Variants in UNC5C observed in about 807,000 individuals in gnomAD.
UNC5C encodes netrin receptor UNC5C.
UNC5C carries 47 observed loss-of-function variants against 99.8 expected under a neutral mutation model. The ratio of observed to expected loss-of-function variants is 0.47; its 90% CI spans 0.37 to 0.60. The LOEUF is 0.60. UNC5C is among the 20% of genes least tolerant of loss of function. UNC5C has a pLI of 0.00. For missense variants in UNC5C, 1,062 were observed against 1,165.9 expected (o/e 0.91, Z 1.30); for synonymous variants, 487 against 452.2 (o/e 1.08, Z -0.98).
intron 1 of UNC5C, among the ~76,000 whole-genome samples, chr4:95,343,092 T>C (rs746691371): frequency 6.6e-6 from 1 of 152,058 alleles, no homozygotes; most frequent in Non-Finnish European, 1.5e-5. Context: ...TGGGGGCAAC[T>C]TGCTTCTCTG....
intron 1 of UNC5C, among the ~76,000 whole-genome samples, chr4:95,415,249 C>T (rs1746127670): frequency 2.0e-5 from 3 of 152,034 alleles, no homozygotes; most frequent in Admixed American, 1.3e-4. Context: ...TTATTGGCAC[C>T]CTCCTACTTT....
chr4:95,370,872 G>A (rs891046370), intron 1 of UNC5C, among the ~76,000 whole-genome samples: 1 of 152,156 alleles, frequency 6.6e-6, no homozygotes, highest in Admixed American at 6.5e-5. Flanking sequence ...AAAAGAATAC[G>A]TAGTTCAAAG....
chr4:95,366,229 TGA>T (rs1206719199), intron 1 of UNC5C, among the ~76,000 whole-genome samples: 2 of 152,208 alleles, frequency 1.3e-5, no homozygotes, highest in Admixed American at 1.3e-4. Context: ...CTCAGGAGTC[TGA>T]GGTGGGAGAA....
At chr4:95,408,185 T>A (rs910249107) in intron 1 of UNC5C, among the ~76,000 whole-genome samples, 4 of 152,198 alleles carry the variant, frequency 2.6e-5, no homozygotes, top group African/African-American at 9.6e-5. Context: ...AAAAATTGAA[T>A]ACAAAATGCA....
intron 1 of UNC5C, among the ~76,000 whole-genome samples, chr4:95,511,418 GA>G (rs1722068050): frequency 6.6e-6 from 1 of 152,032 alleles, no homozygotes; most frequent in Non-Finnish European, 1.5e-5. Flanking sequence ...GAATTATTAG[GA>G]AAAATGGAAG....
At chr4:95,532,533 C>G (rs1353240862) in intron 1 of UNC5C, among the ~76,000 whole-genome samples, 1 of 151,616 alleles carries the variant, frequency 6.6e-6, no homozygotes, top group East Asian at 1.9e-4. Context: ...ATCAACTCAT[C>G]AATTCCTGTA....
In UNC5C at chr4:95,202,749, G is replaced by T; in HGVS notation, c.2118C>A (p.Asp706Glu). The change falls in exon 12 of 16, where the codon GAC becomes GAA. Residue 706 changes from aspartate (D) to glutamate (E), a missense_variant. Transcript: ENST00000453304. ...EYSIRVYCLD[D>E]TQDALKEILH... Reference sequence around the variant, plus strand: ...CACTTACCTTCAGGGCATCCTGGGTGTCATCCAGACAGTAGACTCGGATGC... The same window carrying T: ...CACTTACCTTCAGGGCATCCTGGGTTTCATCCAGACAGTAGACTCGGATGC... The T allele has an allele frequency of 6.2e-7, 1 of 1,614,176 alleles. No homozygotes were observed. The highest frequency in any genetic ancestry group is 8.5e-7 in the Non-Finnish European group (1 of 1,180,004).
intron 1 of UNC5C, among the ~76,000 whole-genome samples, chr4:95,395,940 T>C (rs914562509): frequency 1.9e-4 from 29 of 152,064 alleles, no homozygotes; most frequent in Admixed American, 1.8e-3. Context: ...AGAGTTGGAG[T>C]ACACAGATGG....
chr4:95,465,904 T>C (rs1303233896), intron 1 of UNC5C, among the ~76,000 whole-genome samples: 1 of 152,140 alleles, frequency 6.6e-6, no homozygotes, highest in Admixed American at 6.5e-5. Flanking sequence ...ATTCAGAGCT[T>C]TTCTTTGCCA....
chr4:95,448,225 TGTGAGAGAGAGA>T (rs1243571286), intron 1 of UNC5C, among the ~76,000 whole-genome samples: 24 of 105,674 alleles, frequency 2.3e-4, no homozygotes, highest in South Asian at 3.2e-4. Flanking sequence ...TGTGTGTGTG[TGTGAGAGAGAGA>T]GAGAGAGAGA....
At chr4:95,439,152 T>C (rs1438713218) in intron 1 of UNC5C, among the ~76,000 whole-genome samples, 1 of 152,184 alleles carries the variant, frequency 6.6e-6, no homozygotes, top group Non-Finnish European at 1.5e-5. Flanking sequence ...CTTATTTTTC[T>C]TTTACAGGCC....
rs551809224 is a variant in UNC5C at position 95,421,600 on chromosome 4, C to T, written c.125-85969G>A. Among the ~76,000 whole-genome samples the T allele has an allele frequency of 1.1e-3, 144 of 132,140 alleles. 1 individual carries two copies. Among genetic ancestry groups the T allele is most frequent in the African/African-American group, 4.1e-3 (143 of 34,684 alleles). The allele number at this position is 132,140 out of a possible 152,430, so 86.7% of individuals were successfully genotyped here. Reference sequence around the variant, plus strand: ...GTTAAAACCAAGATTGCTTCATACTCCTACTATACACTCTCTTTTACACAC... The same window carrying T: ...GTTAAAACCAAGATTGCTTCATACTTCTACTATACACTCTCTTTTACACAC... On this transcript the variant is annotated intron_variant, in intron 1 of 15. Transcript: ENST00000453304.
At chr4:95,317,681 C>G (rs7688007) in intron 2 of UNC5C, among the ~76,000 whole-genome samples, 5,612 of 152,074 alleles carry the variant, frequency 0.037, 311 homozygotes, top group African/African-American at 0.13. Flanking sequence ...TCTCTGGCCC[C>G]GAGTAGAAGG....
chr4:95,192,913 C>G (rs942970809), intron 12 of UNC5C, among the ~76,000 whole-genome samples: 1 of 152,176 alleles, frequency 6.6e-6, no homozygotes, highest in Non-Finnish European at 1.5e-5. Flanking sequence ...CTCTCTGCCT[C>G]TCTCTTGTTC....
chr4:95,182,251 G>A (rs897566272), intron 14 of UNC5C, among the ~76,000 whole-genome samples: 4 of 152,178 alleles, frequency 2.6e-5, no homozygotes, highest in African/African-American at 7.2e-5. Flanking sequence ...CACAGCAAAG[G>A]AAGGCAAAGC....
At chr4:95,334,563 A>T (rs1356364397) in intron 2 of UNC5C, among the ~76,000 whole-genome samples, 1 of 151,980 alleles carries the variant, frequency 6.6e-6, no homozygotes, top group Admixed American at 6.6e-5. Flanking sequence ...GCTACCATGG[A>T]AAGATATATA....
At chr4:95,181,058 CA>C (rs1432905487) in intron 14 of UNC5C, among the ~76,000 whole-genome samples, 1 of 152,154 alleles carries the variant, frequency 6.6e-6, no homozygotes, top group Non-Finnish European at 1.5e-5. Flanking sequence ...CACCCGCATT[CA>C]AATGCTAACC....
chr4:95,354,479 A>ATATATATATATATATATATATTTT, intron 1 of UNC5C, among the ~76,000 whole-genome samples: 1 of 110,350 alleles, frequency 9.1e-6, no homozygotes, highest in Non-Finnish European at 1.8e-5. Flanking sequence ...ATATATATAT[A>ATATATATATATATATATATATTTT]TTTTTTTTTT....
intron 1 of UNC5C, among the ~76,000 whole-genome samples, chr4:95,442,468 A>G (rs567940883): frequency 1.4e-5 from 2 of 146,382 alleles, no homozygotes; most frequent in Admixed American, 1.4e-4. Flanking sequence ...TTGGCCTCCC[A>G]AAGTGCTGGG....
Sources: gnomAD v4.1 joint callset for allele counts (sites outside exome capture counted in the v4.1 genomes callset) on GRCh38, gnomAD v4.1.1 for gene constraint, MANE v1.5 for transcripts, NCBI Gene and HGNC (gene_info 2026-07-23, HGNC 2026-07-21) for gene names.